The following PALLD variants were observed in gnomAD, a reference collection of about 807,000 sequenced individuals.
The protein encoded by PALLD is palladin.
PALLD carries 61 observed loss-of-function variants against 123.5 expected under a neutral mutation model. The observed-to-expected ratio is 0.49, with a 90% CI of 0.40 to 0.61. The LOEUF is 0.61. Among genes scored for constraint, PALLD ranks in the 20% least tolerant of loss-of-function variants. The probability of loss-of-function intolerance (pLI) is 0.00; values close to 1 mark genes in which losing one functional copy is unlikely to be tolerated. For missense variants in PALLD, 1,273 were observed against 1,377.0 expected (o/e 0.92, Z 1.20); for synonymous variants, 465 against 496.4 (o/e 0.94, Z 0.84).
chr4:168,711,952 AT>A (rs1784876598), intron 10 of PALLD, 29 bp downstream of exon 10: 1 of 1,562,368 alleles, frequency 6.4e-7, no homozygotes, highest in Non-Finnish European at 8.8e-7. Context: ...TTTTATAATA[AT>A]TTCCATACCC....
intron 10 of PALLD, among the ~76,000 whole-genome samples, chr4:168,888,967 T>C (rs1376922554): frequency 6.6e-6 from 1 of 152,142 alleles, no homozygotes; most frequent in East Asian, 1.9e-4. Context: ...TCAGAGTTTC[T>C]GCTGCATACT....
At chr4:168,823,367 T>C (rs748668774) in intron 10 of PALLD, among the ~76,000 whole-genome samples, 1 of 152,150 alleles carries the variant, frequency 6.6e-6, no homozygotes, top group Non-Finnish European at 1.5e-5. Flanking sequence ...CTCTGAACAA[T>C]GAGCAGCTCA....
intron 4 of PALLD, among the ~76,000 whole-genome samples, chr4:168,682,732 C>T (rs1472065410): frequency 2.0e-5 from 3 of 152,098 alleles, no homozygotes; most frequent in Non-Finnish European, 4.4e-5. Flanking sequence ...CATCTAGCTA[C>T]TTTTCTTTTA....
intron 1 of PALLD, chr4:168,507,315 A>G (rs989766358): frequency 1.1e-5 from 2 of 177,812 alleles, no homozygotes; most frequent in African/African-American, 4.7e-5. Context: ...CCTTTCTATC[A>G]TCTATCTTAT....
chr4:168,904,191 G>A, intron 15 of PALLD: 1 of 394,822 alleles, frequency 2.5e-6, no homozygotes, highest in Non-Finnish European at 4.7e-6. Context: ...TGGTAGACTG[G>A]ACAAAGTCCT....
At chr4:168,505,542 A>G (rs1025401210) in intron 1 of PALLD, among the ~76,000 whole-genome samples, 1 of 152,250 alleles carries the variant, frequency 6.6e-6, no homozygotes, top group African/African-American at 2.4e-5. Context: ...AGTTTGATAC[A>G]TTGCTTAGGA....
intron 10 of PALLD, among the ~76,000 whole-genome samples, chr4:168,799,559 C>T (rs916210729): frequency 7.9e-5 from 12 of 152,172 alleles, no homozygotes; most frequent in African/African-American, 2.7e-4. Context: ...AGTCCCATAG[C>T]TTAGAAAAGA....
At chr4:168,675,217 C>A (rs1221551719) in intron 3 of PALLD, among the ~76,000 whole-genome samples, 1 of 152,148 alleles carries the variant, frequency 6.6e-6, no homozygotes, top group East Asian at 1.9e-4. Flanking sequence ...CTGGATTAAA[C>A]CGGACCTTGT....
At chr4:168,648,134 A>G (rs1420453528) in intron 2 of PALLD, 1 of 151,976 alleles carries the variant, frequency 6.6e-6, no homozygotes, top group Non-Finnish European at 1.5e-5. Flanking sequence ...TGCTCCAGAG[A>G]GCACCAGAGG....
At chr4:168,891,730 T>C (rs576352425) in intron 11 of PALLD, among the ~76,000 whole-genome samples, 3 of 148,786 alleles carry the variant, frequency 2.0e-5, no homozygotes, top group African/African-American at 4.9e-5. Flanking sequence ...GCTGATAGGG[T>C]TGGGGAGGGA....
At chr4:168,904,513 G>A (rs1450193470) in intron 15 of PALLD, among the ~76,000 whole-genome samples, 1 of 152,048 alleles carries the variant, frequency 6.6e-6, no homozygotes, top group Non-Finnish European at 1.5e-5. Context: ...TTGCCAGTTC[G>A]AGCCTGCAAA....
chr4:168,640,750 A>G (rs1554055278), intron 2 of PALLD, among the ~76,000 whole-genome samples: 1 of 152,248 alleles, frequency 6.6e-6, no homozygotes, highest in Non-Finnish European at 1.5e-5. Flanking sequence ...ACCCCAGTTT[A>G]CAGATGAAGA....
At chr4:168,908,780 C>T (rs370160960) in intron 15 of PALLD, among the ~76,000 whole-genome samples, 9 of 152,190 alleles carry the variant, frequency 5.9e-5, no homozygotes, top group South Asian at 4.2e-4. Context: ...GAAACACAGA[C>T]GGTAGAGCTC....
At chr4:168,785,290 CTGTT>C (rs1329653791) in intron 10 of PALLD, among the ~76,000 whole-genome samples, 1 of 152,002 alleles carries the variant, frequency 6.6e-6, no homozygotes, top group East Asian at 1.9e-4. Flanking sequence ...AGGAGCTTCG[CTGTT>C]TGTTCGACAT....
chr4:168,775,485 ACTCTGT>A (rs1235504627), intron 10 of PALLD, among the ~76,000 whole-genome samples: 4 of 152,048 alleles, frequency 2.6e-5, no homozygotes, highest in African/African-American at 9.6e-5. Context: ...ATTTTCTCCT[ACTCTGT>A]GGATTTTTTA....
intron 12 of PALLD, 88 bp from the exon 13 acceptor site, chr4:168,896,461 A>G (rs1257731119): frequency 2.5e-6 from 2 of 796,350 alleles, no homozygotes; most frequent in African/African-American, 1.7e-5. Flanking sequence ...TGCTAGCACA[A>G]AAGTTTCACT....
chr4:168,693,016 A>G (rs1440584500), intron 8 of PALLD, among the ~76,000 whole-genome samples: 1 of 152,220 alleles, frequency 6.6e-6, no homozygotes, highest in Non-Finnish European at 1.5e-5. Flanking sequence ...ATAAATTTGG[A>G]TGAGGAGGGA....
intron 10 of PALLD, among the ~76,000 whole-genome samples, chr4:168,755,498 G>A (rs1474360723): frequency 6.6e-6 from 1 of 152,068 alleles, no homozygotes. Context: ...AGGGCATGAT[G>A]GGGAAGGGGG....
intron 2 of PALLD, among the ~76,000 whole-genome samples, chr4:168,666,562 A>G (rs572255223): frequency 2.0e-5 from 3 of 152,324 alleles, no homozygotes; most frequent in Admixed American, 6.5e-5. Flanking sequence ...TAGGCAGGTA[A>G]TATTTGAGGG....
Sources: gnomAD v4.1 joint callset for allele counts (sites outside exome capture counted in the v4.1 genomes callset) on GRCh38, gnomAD v4.1.1 for gene constraint, MANE v1.5 for transcripts, NCBI Gene and HGNC (gene_info 2026-07-23, HGNC 2026-07-21) for gene names.